ABCD4: variants seen among roughly 807,000 people sequenced by gnomAD.
The protein encoded by ABCD4 is ATP binding cassette subfamily D member 4.
ABCD4 carries 53 observed loss-of-function variants against 86.3 expected under a neutral mutation model. The observed-to-expected ratio is 0.61, with a 90% CI of 0.49 to 0.77. ABCD4 has a LOEUF of 0.77. Among genes scored for constraint, ABCD4 ranks in the 30% least tolerant of loss-of-function variants. The probability of loss-of-function intolerance (pLI) is 0.00; values close to 1 mark genes in which losing one functional copy is unlikely to be tolerated. For synonymous variants in ABCD4, 328 were observed against 313.6 expected, an observed-to-expected ratio of 1.05 and a Z score of -0.49; for missense variants, 757 against 764.5, an observed-to-expected ratio of 0.99 and a Z score of 0.12.
At chr14:74,299,368 G>A (rs1259475928) in intron 3 of ABCD4, 180 bp downstream of exon 3, 4 of 706,502 alleles carry the variant, frequency 5.7e-6, no homozygotes, top group African/African-American at 1.8e-5. Context: ...TCAGTCCCAC[G>A]TGGGCCAATA....
At chr14:74,298,706 C>T (rs904501801) in intron 3 of ABCD4, among the ~76,000 whole-genome samples, 1 of 152,206 alleles carries the variant, frequency 6.6e-6, no homozygotes, top group African/African-American at 2.4e-5. Flanking sequence ...CTTTGTCCCC[C>T]AAGCTTGGGA....
intron 13 of ABCD4, 187 bp downstream of exon 13, chr14:74,289,837 TGAG>T: frequency 6.9e-7 from 1 of 1,445,362 alleles, no homozygotes; most frequent in African/African-American, 1.4e-5. Flanking sequence ...GGAGCTGCTA[TGAG>T]TAGTGGGCCC....
Position 74,286,692 on chromosome 14 carries a change from C to T in ABCD4, c.1752+9G>A. The T allele has an allele frequency of 6.2e-7, 1 of 1,614,022 alleles. No homozygotes were observed. Among genetic ancestry groups the T allele is most frequent in the Non-Finnish European group, 8.5e-7 (1 of 1,180,020 alleles). On this transcript the variant is annotated intron_variant, in intron 18 of 18. Transcript: ENST00000356924. The stretch of plus-strand genomic sequence containing the variant: ...CTCCTCCTCAGGCCATCCTTGTGAG[C>T]ACGGGTACCTTCTCAAGGCTCTGCC...
At position 74,296,578 on chromosome 14, in the gene ABCD4, A is replaced by T. The variant is rs191408327; in HGVS notation, c.426-129T>A. ...TGCTGTGAACACTGACCCTATGGGA[A>T]GAGGGAACCAGACAAGGCTGGTTTC... On this transcript the variant is annotated intron_variant, in intron 4 of 18. Coordinates refer to ENST00000356924, the MANE Select transcript of ABCD4 (RefSeq NM_005050.4). The T allele has an allele frequency of 2.3e-4, 180 of 773,346 alleles. 1 individual carries two copies. The East Asian group carries it at 4.6e-3, about 20-fold the overall frequency. 47.9% of individuals were successfully genotyped at this position (773,346 alleles called of 1,614,324 possible). A position where few individuals can be genotyped will look rare whatever the true frequency, so the allele number is the denominator to read the frequency against.
chr14:74,286,402 G>T lies in ABCD4; in HGVS notation c.*59C>A. On this transcript the variant is annotated 3_prime_UTR_variant, in exon 19 of 19. Transcript: ENST00000356924. ...TCGATCTTCGCTGTCAGTCCTCCTG[G>T]TCTCTCCTGAGGGCCGCCGACCCGC... is the stretch of plus-strand genomic sequence containing the variant. 1 of 1,579,016 alleles carries T rather than the reference G, an allele frequency of 6.3e-7. No homozygotes were observed. The highest frequency in any genetic ancestry group is 8.7e-7 in the Non-Finnish European group (1 of 1,149,452).
In ABCD4 at chr14:74,287,873, A is replaced by T. The variant is rs1354516178; in HGVS notation, c.1573T>A (p.Ser525Thr). 6.2e-7 allele frequency: 1 copy of T among 1,613,022 alleles called. No individual in the cohort carries two copies. The change falls in exon 17 of 19, where the codon TCC (serine) becomes ACC (threonine). Residue 525 changes from serine (S) to threonine (T), a missense_variant. By Grantham distance (58) the Ser-to-Thr change is moderately conservative. Coordinates refer to ENST00000356924, the MANE Select transcript of ABCD4 (RefSeq NM_005050.4). ...GAGAGCCGTTGCATCTCCCCCGGGG[A>T]CAGAACATCATACCTGAGGAAAGGT... is the stretch of plus-strand genomic sequence containing the variant. ...QVDWNWYDVL[S>T]PGEMQRLSFA...
rs2081777004 is a variant in ABCD4, at chr14:74,292,464, T to C, written c.1028+87A>G. The stretch of plus-strand genomic sequence containing the variant: ...CTATCTCACACCCACGAGTACATGG[T>C]ATGTCTCTGTTCCTTTTTTCACTCA... On this transcript the variant is annotated intron_variant, in intron 10 of 18. Coordinates refer to ENST00000356924, the MANE Select transcript of ABCD4 (RefSeq NM_005050.4). 9 of 1,586,032 alleles carry C rather than the reference T, an allele frequency of 5.7e-6. No individual in the cohort carries two copies. The Admixed American group carries it at 1.0e-4, about 18-fold the overall frequency.
At position 74,286,786 on chromosome 14, in the gene ABCD4, T is replaced by C. The variant is rs771582334; in HGVS notation, c.1667A>G (p.Glu556Gly). 3.1e-6 allele frequency: 5 copies of C among 1,614,044 alleles called. No individual in the cohort carries two copies. The South Asian group carries it at 3.3e-5, about 11-fold the overall frequency. ...GCGATAGAGCTCGCTCTCCACTTCC[T>C]CTGTCAGGGCACTGGTGGCTTCATC... ...VLDEATSALT[E>G]EVESELYRIG... is the part of the protein sequence containing the mutation. Residue 556 changes from glutamate to glycine, a missense_variant, in exon 18 of 19, where the codon GAG becomes GGG. By Grantham distance (98) the Glu-to-Gly change is moderately conservative. Coordinates refer to ENST00000356924, the MANE Select transcript of ABCD4 (RefSeq NM_005050.4).
At position 74,290,498 on chromosome 14, in the gene ABCD4, GTC is replaced by G; in HGVS notation, c.1119-1_1119del. The G allele has an allele frequency of 6.2e-7, 1 of 1,612,356 alleles. No individual in the cohort carries two copies. The highest frequency in any genetic ancestry group is 8.5e-7 in the Non-Finnish European group (1 of 1,179,968). ...GGCTCTGCCGCTGGCCACCCTGGGG[GTC>G]TGTGTCAGAGAAGAGAGGGGGCGTG... On this transcript the variant is annotated splice_acceptor_variant and coding_sequence_variant, in exon 12 of 19. Transcript: ENST00000356924. LOFTEE classifies it high-confidence loss of function.
In ABCD4 at chr14:74,288,701, C is replaced by T; in HGVS notation, c.1506+15G>A. 6.2e-7 allele frequency: 1 copy of T among 1,612,824 alleles called. No homozygotes were observed. Among genetic ancestry groups the T allele is most frequent in the Non-Finnish European group, 8.5e-7 (1 of 1,179,486 alleles). ...CAGGTGGGCTCGGGTCCTGAGGGTC[C>T]CTCTCCCCACTTACCAGGCCTGCCA... On this transcript the variant is annotated intron_variant, in intron 15 of 18. Coordinates refer to ENST00000356924, the MANE Select transcript of ABCD4 (RefSeq NM_005050.4).
In ABCD4 at chr14:74,300,172, G is replaced by A; in HGVS notation, c.135C>T (p.Thr45=). ...CACCCAGTAGGGTCAGGCACAAAAG[G>A]GTCAGGAACATCAAGGCATTTTGTG... is the stretch of plus-strand genomic sequence containing the variant. ...WSSQNALMFL[T]LLCLTLLEQF... is the part of the protein sequence containing the mutation. The change falls in exon 2 of 19, where the codon ACC becomes ACT. Residue 45 remains threonine, a synonymous_variant. Transcript: ENST00000356924. 6.2e-7 allele frequency: 1 copy of A among 1,613,322 alleles called. No individual in the cohort carries two copies. The highest frequency in any genetic ancestry group is 8.5e-7 in the Non-Finnish European group (1 of 1,179,646).
intron 11 of ABCD4, among the ~76,000 whole-genome samples, chr14:74,291,832 G>C (rs1289487210): frequency 6.6e-6 from 1 of 152,206 alleles, no homozygotes; most frequent in East Asian, 1.9e-4. Context: ...TGAAGAAACA[G>C]AACAGTTAGG....
chr14:74,292,274 G>GC lies in ABCD4; in HGVS notation c.1118+12dup. The GC allele has an allele frequency of 6.2e-7, 1 of 1,613,440 alleles. No individual in the cohort carries two copies. Among genetic ancestry groups the GC allele is most frequent in the Non-Finnish European group, 8.5e-7 (1 of 1,179,702 alleles). On this transcript the variant is annotated intron_variant, in intron 11 of 18. Coordinates refer to ENST00000356924, the MANE Select transcript of ABCD4 (RefSeq NM_005050.4). ...TGCAGCCTCAACTACTGCTCTGCCA[G>GC]CCCGCTACTCACGTGTCCAAGCCCC...
Position 74,292,769 on chromosome 14 carries a change from C to T in ABCD4, c.915G>A (p.Glu305=), listed in dbSNP as rs757891102. ...TCACCTTGCTGACCAGGGTGCTAAG[C>T]TCTGCGGGACTCAGGTCTCCATAGA... is the stretch of plus-strand genomic sequence containing the variant. ...SGVYGDLSPA[E]LSTLVSKNAF... The change falls in exon 9 of 19, where the codon GAG becomes GAA. Residue 305 remains glutamate (E), a synonymous_variant. Coordinates refer to ENST00000356924, the MANE Select transcript of ABCD4 (RefSeq NM_005050.4). 1.9e-6 allele frequency: 3 copies of T among 1,613,988 alleles called. No homozygotes were observed. Among genetic ancestry groups the T allele is most frequent in the Non-Finnish European group, 8.5e-7 (1 of 1,179,998 alleles).
intron 4 of ABCD4, chr14:74,296,660 C>A (rs1314026308): frequency 3.6e-6 from 2 of 553,440 alleles, no homozygotes; most frequent in East Asian, 3.1e-5. Flanking sequence ...TTGCATCTTA[C>A]GGTGCCTTAG....
intron 16 of ABCD4, 105 bp from the exon 17 acceptor site, chr14:74,287,991 C>T (rs2080295902): frequency 8.4e-7 from 1 of 1,188,244 alleles, no homozygotes; most frequent in Non-Finnish European, 1.2e-6. Flanking sequence ...AGAGGTGAGC[C>T]CCAGGAGACA....
chr14:74,290,118 C>T lies in ABCD4; in HGVS notation c.1328G>A (p.Gly443Asp). Residue 443 changes from glycine (G) to aspartate (D), a missense_variant and splice_region_variant, in exon 13 of 19, where the codon GGC becomes GAC. Coordinates refer to ENST00000356924, the MANE Select transcript of ABCD4 (RefSeq NM_005050.4). The stretch of plus-strand genomic sequence containing the variant: ...AAAGTCCGTCAGCATCTGCACTGAG[C>T]CTGCAGAGCCCACAGAAACCTCCAT... The part of the protein sequence containing the change: ...VLGGLWTSTR[G>D]SVQMLTDFGP... 1.2e-6 allele frequency: 2 copies of T among 1,614,146 alleles called. No individual in the cohort carries two copies. The highest frequency in any genetic ancestry group is 4.5e-5 in the East Asian group (2 of 44,878).
intron 14 of ABCD4, 200 bp from the exon 15 acceptor site, chr14:74,288,965 A>C (rs2080637137): frequency 2.2e-6 from 2 of 905,308 alleles, no homozygotes; most frequent in Non-Finnish European, 1.6e-6. Flanking sequence ...TACAAAAATT[A>C]GGCAGGCAAG....
intron 12 of ABCD4, 23 bp from the exon 13 acceptor site, chr14:74,290,141 C>T (rs1317245286): frequency 1.2e-6 from 2 of 1,614,082 alleles, no homozygotes; most frequent in Admixed American, 1.7e-5. Context: ...CAGAAACCTC[C>T]ATTGTGAGAT....
Sources: gnomAD v4.1 joint callset for allele counts (sites outside exome capture counted in the v4.1 genomes callset) on GRCh38, gnomAD v4.1.1 for gene constraint, MANE v1.5 for transcripts, NCBI Gene and HGNC (gene_info 2026-07-23, HGNC 2026-07-21) for gene names.